The following RSPO2 variants were observed in gnomAD, a reference collection of about 807,000 sequenced individuals.
RSPO2 encodes R-spondin-2.
Under a neutral mutation model 30.9 loss-of-function variants are expected in RSPO2, and 14 were observed. That is an observed-to-expected ratio of 0.45 (90% CI 0.30 to 0.71). RSPO2 has a LOEUF of 0.71. Among genes scored for constraint, RSPO2 ranks in the 30% least tolerant of loss-of-function variants. The pLI, the probability that RSPO2 is intolerant of heterozygous loss-of-function variation, is 0.08. For missense variants in RSPO2, 264 were observed against 301.9 expected, an observed-to-expected ratio of 0.87 and a Z score of 0.93; for synonymous variants, 107 against 96.4, an observed-to-expected ratio of 1.11 and a Z score of -0.64.
At chr8:107,963,107 T>C (rs1813682826) in intron 3 of RSPO2, among the ~76,000 whole-genome samples, 1 of 152,162 alleles carries the variant, frequency 6.6e-6, no homozygotes, top group African/African-American at 2.4e-5. Context: ...GGATGAAAGC[T>C]TAATTATTTG....
intron 3 of RSPO2, among the ~76,000 whole-genome samples, chr8:107,967,231 T>A (rs1416813230): frequency 2.6e-5 from 4 of 152,216 alleles, no homozygotes; most frequent in African/African-American, 9.6e-5. Context: ...TCAGCAAATT[T>A]TCACATGGAA....
intron 5 of RSPO2, among the ~76,000 whole-genome samples, chr8:107,913,804 TAGAG>T (rs1189263531): frequency 6.6e-6 from 1 of 152,144 alleles, no homozygotes; most frequent in East Asian, 1.9e-4. Context: ...AGAAAAAGTA[TAGAG>T]ACTGTTAAAC....
intron 1 of RSPO2, 46 bp from the exon 2 acceptor site, chr8:108,082,853 G>A (rs1813253062): frequency 5.8e-6 from 3 of 518,576 alleles, no homozygotes; most frequent in Admixed American, 3.4e-5. Context: ...GATGGAGAGA[G>A]CCCCGGGGAG....
At chr8:107,948,698 A>AAAT (rs1813143757) in intron 5 of RSPO2, among the ~76,000 whole-genome samples, 1 of 151,974 alleles carries the variant, frequency 6.6e-6, no homozygotes, top group Non-Finnish European at 1.5e-5. Context: ...TCTCTACTGA[A>AAAT]AATACAAAAA....
Position 108,014,836 on chromosome 8 carries a change from A to C in RSPO2, c.95-25592T>G, listed in dbSNP as rs916812262. Reference sequence around the variant, plus strand: ...TTCTGCCCATGTGTCCCAGAACTTAAAGTATAATAAAAAAAAAAAAAAGAA... The same window carrying C: ...TTCTGCCCATGTGTCCCAGAACTTACAGTATAATAAAAAAAAAAAAAAGAA... On this transcript the variant is annotated intron_variant, in intron 2 of 5. Coordinates refer to ENST00000276659, the MANE Select transcript of RSPO2 (RefSeq NM_178565.5). Among the ~76,000 whole-genome samples the C allele has an allele frequency of 3.3e-4, 48 of 146,432 alleles. 1 individual carries two copies. The highest frequency in any genetic ancestry group is 6.0e-5 in the Non-Finnish European group (4 of 66,640).
intron 5 of RSPO2, among the ~76,000 whole-genome samples, chr8:107,941,084 T>G (rs1209825848): frequency 1.3e-5 from 2 of 152,064 alleles, no homozygotes; most frequent in African/African-American, 4.8e-5. Context: ...ACCACACATC[T>G]TACCCCCCAA....
At chr8:107,918,350 A>G (rs1390250381) in intron 5 of RSPO2, among the ~76,000 whole-genome samples, 1 of 152,160 alleles carries the variant, frequency 6.6e-6, no homozygotes. Flanking sequence ...TGTAATAAAA[A>G]TCTGTTTTCT....
At chr8:107,965,974 A>C (rs553294450) in intron 3 of RSPO2, among the ~76,000 whole-genome samples, 1 of 152,298 alleles carries the variant, frequency 6.6e-6, no homozygotes, top group Non-Finnish European at 1.5e-5. Flanking sequence ...AGACAAGAAG[A>C]AGCAGAGTCC....
intron 2 of RSPO2, among the ~76,000 whole-genome samples, chr8:108,076,478 C>A (rs562744473): frequency 6.6e-6 from 1 of 152,116 alleles, no homozygotes; most frequent in Non-Finnish European, 1.5e-5. Context: ...TAGGAAATAT[C>A]TTTGGGAATG....
chr8:107,927,235 T>C (rs1010789532), intron 5 of RSPO2, among the ~76,000 whole-genome samples: 92 of 152,322 alleles, frequency 6.0e-4, no homozygotes, highest in African/African-American at 2.2e-3. Context: ...GTGATTTTTG[T>C]ACATTGATTT....
At chr8:108,053,526 T>C (rs1034099752) in intron 2 of RSPO2, among the ~76,000 whole-genome samples, 4 of 152,146 alleles carry the variant, frequency 2.6e-5, no homozygotes, top group Non-Finnish European at 5.9e-5. Flanking sequence ...AAAAAGCCAA[T>C]GATTTACACT....
chr8:108,022,921 CA>C (rs35195076), intron 2 of RSPO2, among the ~76,000 whole-genome samples: 20 of 93,954 alleles, frequency 2.1e-4, no homozygotes, highest in Non-Finnish European at 2.6e-4. Flanking sequence ...ACAAAACTGT[CA>C]AAAAAAAAAA....
At chr8:108,020,780 A>G (rs939325500) in intron 2 of RSPO2, among the ~76,000 whole-genome samples, 6 of 152,158 alleles carry the variant, frequency 3.9e-5, no homozygotes, top group Non-Finnish European at 8.8e-5. Flanking sequence ...TACTCTAATC[A>G]CTTATAAGGG....
intron 2 of RSPO2, among the ~76,000 whole-genome samples, chr8:108,060,386 T>C (rs1236853613): frequency 6.6e-6 from 1 of 151,706 alleles, no homozygotes; most frequent in East Asian, 1.9e-4. Context: ...ACATGATGAA[T>C]GCAAAAGCTT....
intron 2 of RSPO2, among the ~76,000 whole-genome samples, chr8:108,045,944 G>C (rs1811897582): frequency 6.6e-6 from 1 of 151,994 alleles, no homozygotes; most frequent in African/African-American, 2.4e-5. Context: ...TTTTTACCTT[G>C]TCAACTTTAT....
At chr8:107,929,998 T>C (rs1425115411) in intron 5 of RSPO2, among the ~76,000 whole-genome samples, 2 of 152,216 alleles carry the variant, frequency 1.3e-5, no homozygotes, top group African/African-American at 4.8e-5. Flanking sequence ...GATGTTCTCC[T>C]TGGTTTAAGA....
chr8:107,953,961 T>C (rs1254413602), intron 5 of RSPO2, among the ~76,000 whole-genome samples: 1 of 152,230 alleles, frequency 6.6e-6, no homozygotes, highest in African/African-American at 2.4e-5. Context: ...CATGAGATTA[T>C]GTACCATCAC....
At chr8:108,043,773 C>A (rs1811826925) in intron 2 of RSPO2, among the ~76,000 whole-genome samples, 1 of 152,018 alleles carries the variant, frequency 6.6e-6, no homozygotes, top group Non-Finnish European at 1.5e-5. Context: ...CAGGCTGGTT[C>A]TGGCTGTCCG....
intron 2 of RSPO2, among the ~76,000 whole-genome samples, chr8:108,006,953 T>C (rs986290281): frequency 2.6e-5 from 4 of 152,206 alleles, no homozygotes; most frequent in African/African-American, 9.7e-5. Context: ...TACACCACCC[T>C]ATATTCTTCA....
Sources: allele counts gnomAD v4.1 joint callset (sites outside exome capture counted in the v4.1 genomes callset), GRCh38; gene constraint gnomAD v4.1.1; transcripts MANE v1.5; gene names NCBI Gene and HGNC (gene_info 2026-07-23, HGNC 2026-07-21).